AGPAT2: variants seen among roughly 807,000 people sequenced by gnomAD.
AGPAT2 encodes 1-acyl-sn-glycerol-3-phosphate acyltransferase beta.
Under a neutral mutation model 26.1 loss-of-function variants are expected in AGPAT2, and 18 were observed. The ratio of observed to expected loss-of-function variants is 0.69; its 90% CI spans 0.48 to 1.02. AGPAT2 has a LOEUF of 1.02. Ranked by LOEUF, AGPAT2 falls within the 50% of genes least tolerant of loss-of-function variation. The pLI, the probability that AGPAT2 is intolerant of heterozygous loss-of-function variation, is 0.00. For synonymous variants in AGPAT2, 200 were observed against 174.2 expected (o/e 1.15, Z -1.16); for missense variants, 415 against 394.9 (o/e 1.05, Z -0.43).
At chr9:136,676,486 A>T in intron 4 of AGPAT2, 99 bp downstream of exon 4, 1 of 941,802 alleles carries the variant, frequency 1.1e-6, no homozygotes, top group Non-Finnish European at 1.7e-6. Context: ...TTGTGTGTCA[A>T]GGGTCCTCAG....
intron 2 of AGPAT2, 33 bp from the exon 3 acceptor site, chr9:136,677,169 G>A (rs1846103534): frequency 2.5e-6 from 4 of 1,610,400 alleles, no homozygotes; most frequent in Middle Eastern, 1.7e-4. Context: ...CAGAGAGAGA[G>A]GGGGAGACAG....
At position 136,681,065 on chromosome 9, in the gene AGPAT2, G is replaced by A. The variant is rs548436161; in HGVS notation, c.183-3509C>T. Among the ~76,000 whole-genome samples, 6 of 151,634 alleles carry A rather than the reference G, an allele frequency of 4.0e-5. No individual in the cohort carries two copies. The South Asian group carries it at 8.4e-4, about 21-fold the overall frequency. ...CGTGGCACTCGGCGCATTCACTGCCGTGTGGCCAGCACCACCCTCTAGCTC... is the reference window on the plus strand; with the variant it reads ...CGTGGCACTCGGCGCATTCACTGCCATGTGGCCAGCACCACCCTCTAGCTC... On this transcript the variant is annotated intron_variant, in intron 1 of 5. Coordinates refer to ENST00000371696, the MANE Select transcript of AGPAT2 (RefSeq NM_006412.4).
chr9:136,681,814 A>G (rs1846164856), intron 1 of AGPAT2, among the ~76,000 whole-genome samples: 1 of 152,024 alleles, frequency 6.6e-6, no homozygotes, highest in East Asian at 1.9e-4. Context: ...ACACACAAAA[A>G]AAGTGTTTCC....
At chr9:136,684,328 C>T (rs1337409104) in intron 1 of AGPAT2, among the ~76,000 whole-genome samples, 2 of 152,218 alleles carry the variant, frequency 1.3e-5, no homozygotes, top group East Asian at 3.9e-4. Flanking sequence ...ATGGATGTAC[C>T]AGGGCATCGG....
In AGPAT2 at chr9:136,677,568, G is replaced by A. The variant is rs1204444280; in HGVS notation, c.183-12C>T. On this transcript the variant is annotated splice_polypyrimidine_tract_variant and intron_variant, in intron 1 of 5. Transcript: ENST00000371696. ...ACCAGCCGATGATGCTGCAGGGGAG[G>A]CCACCATGAACACGGGTCCCACAGA... The A allele has an allele frequency of 1.2e-6, 2 of 1,612,830 alleles. No individual in the cohort carries two copies.
In AGPAT2 at chr9:136,677,540, C is replaced by A. The variant is rs563539429; in HGVS notation, c.199G>T (p.Val67Leu). Residue 67 changes from valine (V) to leucine (L), a missense_variant, in exon 2 of 6, where the codon GTG (valine) becomes TTG (leucine). Physicochemically the swap from Val to Leu is conservative, Grantham distance 32 (BLOSUM62 1). Coordinates refer to ENST00000371696, the MANE Select transcript of AGPAT2 (RefSeq NM_006412.4). ...CCGTAAAAGTACTTGAAGCTTCGCA[C>A]GAACCAGCCGATGATGCTGCAGGGG... The part of the protein sequence containing the change: ...VENMSIIGWF[V>L]RSFKYFYGLR... The A allele has an allele frequency of 6.2e-7, 1 of 1,612,802 alleles. No individual in the cohort carries two copies. The highest frequency in any genetic ancestry group is 1.7e-5 in the Admixed American group (1 of 60,032).
Position 136,687,160 on chromosome 9 carries a change from C to A in AGPAT2, c.182+16G>T. 1 of 1,576,088 alleles carries A rather than the reference C, an allele frequency of 6.3e-7. No individual in the cohort carries two copies. The highest frequency in any genetic ancestry group is 8.6e-7 in the Non-Finnish European group (1 of 1,167,638). On this transcript the variant is annotated intron_variant, in intron 1 of 5. Transcript: ENST00000371696. ...GCGGCGGTTCCCCGGCCCCTCCCGG[C>A]GGCCCCCGGCCTTGCCTCATGTTCT... is the stretch of plus-strand genomic sequence containing the variant.
Position 136,673,676 on chromosome 9 carries a change from A to G in AGPAT2, c.*76T>C. The G allele has an allele frequency of 7.0e-7, 1 of 1,418,538 alleles. No homozygotes were observed. Among genetic ancestry groups the G allele is most frequent in the Non-Finnish European group, 9.4e-7 (1 of 1,063,076 alleles). 87.9% of individuals were successfully genotyped at this position (1,418,538 alleles called of 1,614,324 possible). ...GACAGAGTGGTATTTGGAAGCCGGG[A>G]GGAGTCCCCTCTGCCCATCCTCCAG... On this transcript the variant is annotated 3_prime_UTR_variant, in exon 6 of 6. Coordinates refer to ENST00000371696, the MANE Select transcript of AGPAT2 (RefSeq NM_006412.4).
rs746314526 is a variant in AGPAT2, at chr9:136,677,112, C to A, written c.341G>T (p.Arg114Leu). 1 of 1,613,112 alleles carries A rather than the reference C, an allele frequency of 6.2e-7. No individual in the cohort carries two copies. ...CTCCCGCTTGGCGATCTGCACGCAG[C>A]GCTCCGGAAGGACCTCCATGAGGCC... ...MMGLMEVLPE[R>L]CVQIAKRELL... The change falls in exon 3 of 6, where the codon CGC becomes CTC. Residue 114 changes from arginine (R) to leucine (L), a missense_variant. Arg to Leu is a moderately radical substitution (Grantham distance 102). Coordinates refer to ENST00000371696, the MANE Select transcript of AGPAT2 (RefSeq NM_006412.4).
Position 136,673,657 on chromosome 9 carries a change from G to A in AGPAT2, c.*95C>T, listed in dbSNP as rs1011963916. The A allele has an allele frequency of 3.8e-6, 5 of 1,329,034 alleles. No individual in the cohort carries two copies. The highest frequency in any genetic ancestry group is 2.7e-4 in the Middle Eastern group (1 of 3,706). 82.3% of individuals were successfully genotyped at this position (1,329,034 alleles called of 1,614,324 possible). On this transcript the variant is annotated 3_prime_UTR_variant, in exon 6 of 6. Transcript: ENST00000371696. ...GTGAGAGCTGGGGGAGCCGGACAGA[G>A]TGGTATTTGGAAGCCGGGAGGAGTC...
chr9:136,680,815 C>T (rs186640107), intron 1 of AGPAT2, among the ~76,000 whole-genome samples: 180 of 151,286 alleles, frequency 1.2e-3, no homozygotes, highest in African/African-American at 4.2e-3. Flanking sequence ...TACTGGTGTG[C>T]GCCACCACAC....
chr9:136,682,575 G>A (rs1475612246), intron 1 of AGPAT2, among the ~76,000 whole-genome samples: 1 of 152,230 alleles, frequency 6.6e-6, no homozygotes, highest in East Asian at 1.9e-4. Flanking sequence ...GCTGGCCACT[G>A]CCAGGCGGGT....
chr9:136,680,692 G>A (rs1326189283), intron 1 of AGPAT2, among the ~76,000 whole-genome samples: 2 of 150,934 alleles, frequency 1.3e-5, no homozygotes, highest in African/African-American at 4.9e-5. Flanking sequence ...TTTTTTTTGA[G>A]ACGGAGTCTT....
intron 1 of AGPAT2, among the ~76,000 whole-genome samples, chr9:136,683,693 G>A (rs911542904): frequency 6.6e-6 from 1 of 152,224 alleles, no homozygotes. Flanking sequence ...CGGGCGGGAA[G>A]GAGGTGGGGC....
Position 136,673,936 on chromosome 9 carries a change from G to C in AGPAT2, c.662-9C>G. ...CTGCACTGTGACTGTTCCTGTGGGG[G>C]AAGCAACAGACCTCAGTGGCCTGTG... On this transcript the variant is annotated splice_polypyrimidine_tract_variant and intron_variant, in intron 5 of 5. Coordinates refer to ENST00000371696, the MANE Select transcript of AGPAT2 (RefSeq NM_006412.4). 1.3e-6 allele frequency: 2 copies of C among 1,546,116 alleles called. No homozygotes were observed. The highest frequency in any genetic ancestry group is 4.7e-5 in the East Asian group (2 of 42,134).
Position 136,673,559 on chromosome 9 carries a change from G to GC in AGPAT2, c.*192dup, listed in dbSNP as rs1289508912. 1.8e-6 allele frequency: 1 copy of GC among 549,126 alleles called. No homozygotes were observed. Among genetic ancestry groups the GC allele is most frequent in the Non-Finnish European group, 2.9e-6 (1 of 343,536 alleles). 34.0% of individuals were successfully genotyped at this position (549,126 alleles called of 1,614,324 possible). On this transcript the variant is annotated 3_prime_UTR_variant, in exon 6 of 6. Coordinates refer to ENST00000371696, the MANE Select transcript of AGPAT2 (RefSeq NM_006412.4). ...TCGAGCCCGGGGAGGGTCCAGCTGA[G>GC]CCCCCTGCAGGGGACACCAGGGGCC... is the stretch of plus-strand genomic sequence containing the variant.
chr9:136,679,392 G>A lies in AGPAT2; in HGVS notation c.183-1836C>T, dbSNP rs532180422. Among the ~76,000 whole-genome samples, 9 of 152,272 alleles carry A rather than the reference G, an allele frequency of 5.9e-5. No individual in the cohort carries two copies. The East Asian group carries it at 1.2e-3, about 20-fold the overall frequency. On this transcript the variant is annotated intron_variant, in intron 1 of 5. Coordinates refer to ENST00000371696, the MANE Select transcript of AGPAT2 (RefSeq NM_006412.4). ...GTTAATTCTGGTGATGAGTCCAGCC[G>A]TCCGTCCCTGGACTTGGAAGCCTGG...
At chr9:136,676,883 C>A (rs1233438991) in intron 3 of AGPAT2, 78 bp downstream of exon 3, 1 of 1,557,246 alleles carries the variant, frequency 6.4e-7, no homozygotes, top group Non-Finnish European at 8.8e-7. Context: ...TCTGCCAAAA[C>A]CAAGTCACAA....
Position 136,679,814 on chromosome 9 carries a change from G to A in AGPAT2, c.183-2258C>T, listed in dbSNP as rs542107731. 2.6e-5 allele frequency among the ~76,000 whole-genome samples: 4 copies of A among 152,326 alleles called. No homozygotes were observed. The East Asian group carries it at 7.7e-4, about 29-fold the overall frequency. On this transcript the variant is annotated intron_variant, in intron 1 of 5. Transcript: ENST00000371696. The stretch of plus-strand genomic sequence containing the variant: ...AACAGGCCCAGCGGCTGGCAGGAGT[G>A]AGGAGTCGCACAGACAAGATACTTC...
Sources: allele counts gnomAD v4.1 joint callset (sites outside exome capture counted in the v4.1 genomes callset), GRCh38; gene constraint gnomAD v4.1.1; transcripts MANE v1.5; gene names NCBI Gene and HGNC (gene_info 2026-07-23, HGNC 2026-07-21).